LTF: variants seen among roughly 807,000 people sequenced by gnomAD.
LTF encodes the protein lactotransferrin, also known as epididymis luminal protein 110.
In LTF, 91 loss-of-function variants were observed where a neutral mutation model predicts 87.2. That is an observed-to-expected ratio of 1.04 (90% CI 0.88 to 1.24). The LOEUF is 1.24. LTF is among the 50% of genes most tolerant of loss of function. The pLI, the probability that LTF is intolerant of heterozygous loss-of-function variation, is 0.00. For missense variants in LTF, 901 were observed against 904.3 expected, an observed-to-expected ratio of 1.00 and a Z score of 0.05; for synonymous variants, 378 against 356.1, an observed-to-expected ratio of 1.06 and a Z score of -0.69.
At chr3:46,460,498 C>T (rs1265348082) in intron 1 of LTF, 1 of 448,790 alleles carries the variant, frequency 2.2e-6, no homozygotes, top group Admixed American at 2.4e-5. Flanking sequence ...ACTGGTTCTT[C>T]TTTTGAGCCT....
intron 1 of LTF, among the ~76,000 whole-genome samples, chr3:46,475,477 C>T (rs182241085): frequency 1.4e-3 from 211 of 151,596 alleles, no homozygotes; most frequent in Non-Finnish European, 2.4e-3. Flanking sequence ...GAGAAACTCC[C>T]TATGAGATGT....
chr3:46,450,029 C>A lies in LTF; in HGVS notation c.883-1G>T. On this transcript the variant is annotated splice_acceptor_variant, in intron 7 of 16. Coordinates refer to ENST00000231751, the MANE Select transcript of LTF (RefSeq NM_002343.6). LOFTEE classifies it high-confidence loss of function. ...GTGACTTGTCCTTTCCAAACTTTTCCTAATTAAGAAAAAATAGAATTATGG... is the reference window on the plus strand; with the variant it reads ...GTGACTTGTCCTTTCCAAACTTTTCATAATTAAGAAAAAATAGAATTATGG... The A allele has an allele frequency of 6.3e-7, 1 of 1,575,360 alleles. No homozygotes were observed. The highest frequency in any genetic ancestry group is 8.6e-7 in the Non-Finnish European group (1 of 1,164,442).
chr3:46,473,723 C>G (rs1444027285), intron 1 of LTF, among the ~76,000 whole-genome samples: 1 of 152,168 alleles, frequency 6.6e-6, no homozygotes, highest in Non-Finnish European at 1.5e-5. Flanking sequence ...CTTCTTGCCT[C>G]CCTCCTGTAA....
intron 1 of LTF, among the ~76,000 whole-genome samples, chr3:46,482,719 AAAGAAAGG>A (rs1703463853): frequency 1.0e-5 from 1 of 98,240 alleles, no homozygotes; most frequent in Non-Finnish European, 2.0e-5. Flanking sequence ...AAAGAAAGAG[AAAGAAAGG>A]AAGGAAGGAA....
intron 1 of LTF, among the ~76,000 whole-genome samples, chr3:46,476,805 C>A (rs1470681731): frequency 2.0e-5 from 3 of 152,108 alleles, no homozygotes; most frequent in African/African-American, 7.2e-5. Flanking sequence ...ATAGAAGGTG[C>A]CTGAGGTTTT....
At chr3:46,444,805 A>G (rs1444948569) in intron 12 of LTF, among the ~76,000 whole-genome samples, 1 of 152,054 alleles carries the variant, frequency 6.6e-6, no homozygotes, top group East Asian at 1.9e-4. Context: ...GGGAGAGAAA[A>G]CTGCAGAAGC....
At chr3:46,447,180 C>T in intron 10 of LTF, 128 bp downstream of exon 10, 1 of 680,564 alleles carries the variant, frequency 1.5e-6, no homozygotes, top group Non-Finnish European at 2.6e-6. Context: ...TTTCTTCTTT[C>T]CCTGATTCTC....
At chr3:46,451,198 C>T (rs1702794838) in intron 6 of LTF, among the ~76,000 whole-genome samples, 1 of 152,116 alleles carries the variant, frequency 6.6e-6, no homozygotes, top group South Asian at 2.1e-4. Context: ...ATATAAGTTG[C>T]TTCAGAATGT....
intron 2 of LTF, 89 bp from the exon 3 acceptor site, chr3:46,456,487 C>T (rs1469301175): frequency 2.0e-6 from 2 of 1,018,606 alleles, no homozygotes; most frequent in Admixed American, 4.0e-5. Context: ...GTCTCCATGG[C>T]TGGAAGGGTC....
Position 46,455,900 on chromosome 3 carries a change from T to C in LTF, c.395A>G (p.Lys132Arg). ...SFQLNELQGL[K>R]SCHTGLRRTA... ...CCTGCGAAGGCCTGTGTGGCAGGAC[T>C]TCAGACCTTGCAGTTCGTTCAGCTG... Residue 132 changes from lysine (K) to arginine (R), a missense_variant, in exon 4 of 17, where the codon AAG becomes AGG. Lys to Arg is a conservative substitution (Grantham distance 26, BLOSUM62 2). Transcript: ENST00000231751. 1.2e-6 allele frequency: 2 copies of C among 1,613,800 alleles called. No individual in the cohort carries two copies. Among genetic ancestry groups the C allele is most frequent in the South Asian group, 2.2e-5 (2 of 90,994 alleles).
intron 1 of LTF, 133 bp downstream of exon 1, chr3:46,464,692 G>A (rs900759686): frequency 4.3e-6 from 4 of 937,068 alleles, no homozygotes; most frequent in African/African-American, 3.3e-5. Context: ...CCGCCTCCCG[G>A]CTGTAGGCGC....
At chr3:46,478,862 G>T (rs529954341) in intron 1 of LTF, among the ~76,000 whole-genome samples, 4 of 152,364 alleles carry the variant, frequency 2.6e-5, no homozygotes, top group African/African-American at 9.6e-5. Flanking sequence ...TTACAAATGA[G>T]GTCTCTAAGC....
At chr3:46,460,116 C>T (rs535830928) in intron 1 of LTF, among the ~76,000 whole-genome samples, 5 of 152,256 alleles carry the variant, frequency 3.3e-5, no homozygotes, top group Admixed American at 2.0e-4. Context: ...TGATGGTGAT[C>T]CCCCAGATCA....
chr3:46,453,254 T>TGAAATG (rs1702845252), intron 6 of LTF, among the ~76,000 whole-genome samples: 1 of 152,176 alleles, frequency 6.6e-6, no homozygotes, highest in Non-Finnish European at 1.5e-5. Context: ...AAATGAAAAT[T>TGAAATG]AAAAATAAAA....
At chr3:46,484,232 T>C (rs1703488055) in intron 1 of LTF, among the ~76,000 whole-genome samples, 1 of 152,102 alleles carries the variant, frequency 6.6e-6, no homozygotes, top group South Asian at 2.1e-4. Context: ...GTGGCATAGG[T>C]GTTTGAGCTG....
chr3:46,458,579 T>C (rs1166293512), intron 2 of LTF, among the ~76,000 whole-genome samples: 4 of 152,164 alleles, frequency 2.6e-5, no homozygotes, highest in Non-Finnish European at 4.4e-5. Context: ...TTTGTTTTTG[T>C]TTTTTGTTTT....
At chr3:46,445,616 T>G (rs1006825318) in intron 11 of LTF, among the ~76,000 whole-genome samples, 180 bp from the exon 12 acceptor site, 1 of 152,160 alleles carries the variant, frequency 6.6e-6, no homozygotes, top group African/African-American at 2.4e-5. Context: ...TGCCTTATGT[T>G]AAGGTGAGAT....
At chr3:46,467,217 C>CATTCATTG (rs1703227674), upstream of LTF, among the ~76,000 whole-genome samples, 1 of 151,166 alleles carries the variant, frequency 6.6e-6, no homozygotes, top group Admixed American at 6.5e-5. Flanking sequence ...TAACAGCATT[C>CATTCATTG]ATTCATTCAT....
chr3:46,453,183 A>G (rs1051947949), intron 6 of LTF, among the ~76,000 whole-genome samples: 12 of 152,268 alleles, frequency 7.9e-5, no homozygotes, highest in Non-Finnish European at 1.8e-4. Flanking sequence ...ACAAAATAAG[A>G]AAGGGAAGCC....
Sources: allele counts gnomAD v4.1 joint callset (sites outside exome capture counted in the v4.1 genomes callset), GRCh38; gene constraint gnomAD v4.1.1; transcripts MANE v1.5; gene names NCBI Gene and HGNC (gene_info 2026-07-23, HGNC 2026-07-21).